The following DLG2 variants were observed in gnomAD, a reference collection of about 807,000 sequenced individuals.
DLG2 encodes the protein discs large MAGUK scaffold protein 2.
In DLG2, 45 loss-of-function variants were observed where a neutral mutation model predicts 132.5. The ratio of observed to expected loss-of-function variants is 0.34; its 90% CI spans 0.27 to 0.44. The LOEUF is 0.44. Among genes scored for constraint, DLG2 ranks in the 20% least tolerant of loss-of-function variants. The pLI, the probability that DLG2 is intolerant of heterozygous loss-of-function variation, is 1.00. For missense variants in DLG2, 1,045 were observed against 1,196.9 expected (o/e 0.87, Z 1.87); for synonymous variants, 424 against 419.6 (o/e 1.01, Z -0.13).
intron 3 of DLG2, among the ~76,000 whole-genome samples, chr11:85,546,965 AGTCT>A (rs2076376131): frequency 6.6e-6 from 1 of 151,918 alleles, no homozygotes; most frequent in African/African-American, 2.4e-5. Context: ...CCAATTTGCC[AGTCT>A]GTGTCTTTTA....
intron 6 of DLG2, among the ~76,000 whole-genome samples, chr11:84,787,939 CA>C (rs35771669): frequency 3.5e-5 from 5 of 140,908 alleles, no homozygotes; most frequent in South Asian, 2.3e-4. Flanking sequence ...TCTCTACTTA[CA>C]AAAAAAAAAA....
intron 2 of DLG2, among the ~76,000 whole-genome samples, chr11:85,617,241 A>G (rs1246788470): frequency 6.6e-6 from 1 of 152,260 alleles, no homozygotes; most frequent in Non-Finnish European, 1.5e-5. Context: ...GCTATCGATG[A>G]TGATGATAAC....
intron 6 of DLG2, among the ~76,000 whole-genome samples, chr11:85,082,849 A>G: frequency 6.6e-6 from 1 of 151,842 alleles, no homozygotes; most frequent in Non-Finnish European, 1.5e-5. Context: ...GTCAAATCCA[A>G]TGAAAGAAAG....
At chr11:84,511,983 C>T (rs1345762703) in intron 7 of DLG2, among the ~76,000 whole-genome samples, 1 of 152,082 alleles carries the variant, frequency 6.6e-6, no homozygotes, top group Non-Finnish European at 1.5e-5. Flanking sequence ...GTAACACGCT[C>T]GAGGTCACAT....
intron 5 of DLG2, among the ~76,000 whole-genome samples, chr11:85,115,464 C>CT (rs1202386936): frequency 1.3e-5 from 2 of 151,872 alleles, no homozygotes; most frequent in Non-Finnish European, 2.9e-5. Context: ...GAAAGATAAA[C>CT]TAATAAAGCT....
intron 19 of DLG2, among the ~76,000 whole-genome samples, chr11:83,608,822 T>A (rs1231077310): frequency 1.3e-5 from 2 of 152,144 alleles, no homozygotes; most frequent in Non-Finnish European, 2.9e-5. Flanking sequence ...TTGATTATGC[T>A]ATTTGTTGGG....
At chr11:83,833,801 A>C in intron 16 of DLG2, 31 bp from the exon 17 acceptor site, 2 of 1,600,540 alleles carry the variant, frequency 1.2e-6, no homozygotes, top group Non-Finnish European at 1.7e-6. Context: ...CACAGCTCAG[A>C]GGGTGATCCA....
At chr11:85,286,339 A>T (rs530244698) in intron 3 of DLG2, among the ~76,000 whole-genome samples, 2 of 152,228 alleles carry the variant, frequency 1.3e-5, no homozygotes, top group East Asian at 3.9e-4. Context: ...ATATGATATT[A>T]GATGAGAGTT....
chr11:84,648,207 A>C (rs2099677222), intron 6 of DLG2, among the ~76,000 whole-genome samples: 1 of 152,190 alleles, frequency 6.6e-6, no homozygotes, highest in South Asian at 2.1e-4. Flanking sequence ...AATGCGTATT[A>C]ATACTAAAAA....
chr11:84,340,562 C>A (rs1050257354), intron 7 of DLG2, among the ~76,000 whole-genome samples: 1 of 152,108 alleles, frequency 6.6e-6, no homozygotes, highest in South Asian at 2.1e-4. Flanking sequence ...TATTCTGATC[C>A]ATTTTACAGA....
chr11:84,605,132 G>A (rs969579456), intron 6 of DLG2, among the ~76,000 whole-genome samples: 11 of 151,822 alleles, frequency 7.2e-5, no homozygotes, highest in Non-Finnish European at 1.5e-4. Flanking sequence ...TAAGCATTTT[G>A]TTCAAGGTTA....
At chr11:84,316,849 T>C in intron 7 of DLG2, 1 of 1,612,462 alleles carries the variant, frequency 6.2e-7, no homozygotes, top group Non-Finnish European at 8.5e-7. Flanking sequence ...ACCAACCATG[T>C]GGGCAGGTAC....
chr11:83,837,315 A>C (rs1358360933), intron 16 of DLG2, among the ~76,000 whole-genome samples: 1 of 152,124 alleles, frequency 6.6e-6, no homozygotes, highest in Non-Finnish European at 1.5e-5. Flanking sequence ...TCAGCTCCCC[A>C]CTAGAAAGTG....
rs143107536 is a variant in DLG2 at position 84,848,377 on chromosome 11, C to G, written c.357+263284G>C. Reference sequence around the variant, plus strand: ...GGCATGGTGGTGCATGCCTGTAATCCCAGCTACTCGGGAGGCTGAGGCAGG... The same window carrying G: ...GGCATGGTGGTGCATGCCTGTAATCGCAGCTACTCGGGAGGCTGAGGCAGG... On this transcript the variant is annotated intron_variant, in intron 6 of 27. Coordinates refer to ENST00000376104, the MANE Select transcript of DLG2 (RefSeq NM_001142699.3). Among the ~76,000 whole-genome samples the G allele has an allele frequency of 6.1e-3, 932 of 152,116 alleles. 7 individuals carry two copies. Among genetic ancestry groups the G allele is most frequent in the African/African-American group, 0.018 (766 of 41,494 alleles).
intron 3 of DLG2, among the ~76,000 whole-genome samples, chr11:85,584,514 G>A (rs1267109485): frequency 6.6e-6 from 1 of 152,112 alleles, no homozygotes; most frequent in East Asian, 1.9e-4. Flanking sequence ...TTTCCTCTAG[G>A]AAGATAACCA....
At position 84,913,778 on chromosome 11, in the gene DLG2, A is replaced by G. The variant is rs551376969; in HGVS notation, c.357+197883T>C. Among the ~76,000 whole-genome samples, 64 of 152,336 alleles carry G rather than the reference A, an allele frequency of 4.2e-4. 1 individual carries two copies. Among genetic ancestry groups the G allele is most frequent in the African/African-American group, 1.5e-3 (63 of 41,586 alleles). ...TATAATAAACATGTATTACTTTTAT[A>G]ATGTTAAAAACATTGAAAAATATAA... is the stretch of plus-strand genomic sequence containing the variant. On this transcript the variant is annotated intron_variant, in intron 6 of 27. Coordinates refer to ENST00000376104, the MANE Select transcript of DLG2 (RefSeq NM_001142699.3).
intron 7 of DLG2, among the ~76,000 whole-genome samples, chr11:84,396,786 C>T (rs17807989): frequency 0.019 from 2,860 of 152,288 alleles, 45 homozygotes; most frequent in East Asian, 0.069. Context: ...CAGCTAACAA[C>T]CCTCACCCCC....
intron 7 of DLG2, among the ~76,000 whole-genome samples, chr11:84,324,468 A>T (rs1271812845): frequency 6.6e-6 from 1 of 152,054 alleles, no homozygotes; most frequent in Non-Finnish European, 1.5e-5. Context: ...ATATTTTTAA[A>T]TCAGGAGGTA....
intron 8 of DLG2, among the ~76,000 whole-genome samples, chr11:84,192,771 A>T (rs1459334529): frequency 1.3e-5 from 2 of 152,098 alleles, no homozygotes; most frequent in Non-Finnish European, 2.9e-5. Context: ...TTGGGAAGTA[A>T]GGAAATTTAA....
Sources: allele counts gnomAD v4.1 joint callset (sites outside exome capture counted in the v4.1 genomes callset), GRCh38; gene constraint gnomAD v4.1.1; transcripts MANE v1.5; gene names NCBI Gene and HGNC (gene_info 2026-07-23, HGNC 2026-07-21).